The following INSL6 variants were observed in gnomAD, a reference collection of about 807,000 sequenced individuals.
The protein encoded by INSL6 is insulin-like peptide INSL6.
INSL6 carries 16 observed loss-of-function variants against 9.4 expected under a neutral mutation model. The observed-to-expected ratio is 1.70, with a 90% confidence interval of 1.15 to 2.59. INSL6 has a LOEUF of 2.59. INSL6 is among the 30% of genes most tolerant of loss of function. INSL6 has a pLI of 0.00. For missense variants in INSL6, 391 were observed against 257.3 expected (o/e 1.52, Z -3.56); for synonymous variants, 154 against 96.9 (o/e 1.59, Z -3.46).
intron 1 of INSL6, among the ~76,000 whole-genome samples, chr9:5,179,564 A>G (rs1267669353): frequency 6.6e-6 from 1 of 152,236 alleles, no homozygotes; most frequent in South Asian, 2.1e-4. Flanking sequence ...TTGCAGCACT[A>G]TTCACAATAG....
chr9:5,028,058 T>A, the INSL6 span, among the ~76,000 whole-genome samples: 4 of 152,316 alleles, frequency 2.6e-5, no homozygotes, highest in East Asian at 3.9e-4. Flanking sequence ...GTGAACTCTT[T>A]CCATAAGTTT....
chr9:5,080,011 T>A, the INSL6 span, among the ~76,000 whole-genome samples: 1 of 152,190 alleles, frequency 6.6e-6, no homozygotes, highest in Non-Finnish European at 1.5e-5. Context: ...TGTCTCCATG[T>A]TGTCATTGTT....
At chr9:5,106,833 G>C in the INSL6 span, among the ~76,000 whole-genome samples, 3 of 152,236 alleles carry the variant, frequency 2.0e-5, no homozygotes, top group South Asian at 6.2e-4. Flanking sequence ...CTCACTCATA[G>C]GTGGGAGTTG....
chr9:5,066,537 G>T, the INSL6 span: 1 of 541,580 alleles, frequency 1.8e-6, no homozygotes, highest in Middle Eastern at 4.9e-4. Context: ...TTTTTCCTTT[G>T]AAAGATTATT....
the INSL6 span, chr9:5,097,917 G>A: frequency 1.3e-5 from 2 of 152,138 alleles, no homozygotes; most frequent in African/African-American, 4.8e-5. Flanking sequence ...ATATTCATAG[G>A]TGTTAATTTA....
At chr9:5,021,907 A>G in the INSL6 span, 1 of 1,012,132 alleles carries the variant, frequency 9.9e-7, no homozygotes, top group African/African-American at 1.6e-5. Flanking sequence ...TGCTAGGATT[A>G]CAGGTGTGAG....
the INSL6 span, among the ~76,000 whole-genome samples, chr9:5,104,010 A>G: frequency 1.3e-5 from 2 of 152,204 alleles, no homozygotes; most frequent in Non-Finnish European, 2.9e-5. Context: ...TAAAAGAACT[A>G]CAGAAGCAAG....
the INSL6 span, among the ~76,000 whole-genome samples, chr9:5,088,889 C>T: frequency 1.3e-5 from 2 of 152,206 alleles, no homozygotes; most frequent in African/African-American, 4.8e-5. Context: ...GCCCTATCTC[C>T]AAATACAGTC....
chr9:5,152,425 T>C (rs530674048), intron 2 of INSL6, among the ~76,000 whole-genome samples: 1 of 152,200 alleles, frequency 6.6e-6, no homozygotes, highest in Admixed American at 6.5e-5. Context: ...ACTGAAACAT[T>C]AGCAATTTTA....
At chr9:5,162,704 T>A (rs1318249852), downstream of INSL6, among the ~76,000 whole-genome samples, 1 of 152,198 alleles carries the variant, frequency 6.6e-6, no homozygotes, top group Non-Finnish European at 1.5e-5. Flanking sequence ...TGAAACTGAT[T>A]AAAAACATTC....
the INSL6 span, among the ~76,000 whole-genome samples, chr9:5,069,763 C>T: frequency 6.6e-6 from 1 of 151,966 alleles, no homozygotes; most frequent in Non-Finnish European, 1.5e-5. Flanking sequence ...TATCAAAGTT[C>T]AATGAGTTGA....
At chr9:5,017,028 T>C in the INSL6 span, among the ~76,000 whole-genome samples, 2 of 152,206 alleles carry the variant, frequency 1.3e-5, no homozygotes, top group East Asian at 3.8e-4. Flanking sequence ...TCCAAAAATA[T>C]TGCAGAACAT....
chr9:5,092,866 C>A, the INSL6 span, among the ~76,000 whole-genome samples: 1 of 152,126 alleles, frequency 6.6e-6, no homozygotes, highest in Non-Finnish European at 1.5e-5. Context: ...TACTTAATGT[C>A]CCTGTAAGTT....
At chr9:5,026,255 T>C in the INSL6 span, among the ~76,000 whole-genome samples, 1 of 152,196 alleles carries the variant, frequency 6.6e-6, no homozygotes, top group Non-Finnish European at 1.5e-5. Context: ...TTTTAGTACA[T>C]GATATTGGTA....
In INSL6 at chr9:5,164,037, C is replaced by T. The variant is rs1334200577; in HGVS notation, c.518G>A (p.Gly173Glu). The change falls in exon 2 of 2, where the codon GGA becomes GAA. Residue 173 changes from glycine (G) to glutamate (E), a missense_variant. Physicochemically the swap from Gly to Glu is moderately conservative, Grantham distance 98. Transcript: ENST00000381641. ...WGHHPQRKRRGYSEKCCLTGC... is the reference protein window; with the variant it reads ...WGHHPQRKRREYSEKCCLTGC... ...TGTAAGACAACACTTTTCTGAATAT[C>T]CTCTGCGTTTTCTTTGGGGATGATG... is the stretch of plus-strand genomic sequence containing the variant. 29 of 1,613,626 alleles carry T rather than the reference C, an allele frequency of 1.8e-5. No homozygotes were observed. Among genetic ancestry groups the T allele is most frequent in the Non-Finnish European group, 2.4e-5 (28 of 1,179,794 alleles).
the INSL6 span, among the ~76,000 whole-genome samples, chr9:5,024,977 G>A: frequency 6.6e-6 from 1 of 152,184 alleles, no homozygotes. Context: ...CTGGTGGGCA[G>A]GACATGGGCG....
chr9:5,173,597 T>C (rs764068319), intron 1 of INSL6, among the ~76,000 whole-genome samples: 2 of 148,816 alleles, frequency 1.3e-5, no homozygotes, highest in Non-Finnish European at 3.0e-5. Flanking sequence ...AAACACACAA[T>C]GGGGCCTGTC....
At chr9:5,142,164 T>A (rs964718554) in intron 2 of INSL6, among the ~76,000 whole-genome samples, 6 of 152,232 alleles carry the variant, frequency 3.9e-5, no homozygotes, top group African/African-American at 1.4e-4. Flanking sequence ...CCTCCAGCTT[T>A]GTTCTTTTTG....
At chr9:5,112,689 A>G in the INSL6 span, 4 of 917,290 alleles carry the variant, frequency 4.4e-6, no homozygotes, top group South Asian at 1.2e-4. Flanking sequence ...GTCATCCTGA[A>G]TTTGGAGCAG....
Sources: gnomAD v4.1 joint callset for allele counts (sites outside exome capture counted in the v4.1 genomes callset) on GRCh38, gnomAD v4.1.1 for gene constraint, MANE v1.5 for transcripts, NCBI Gene and HGNC (gene_info 2026-07-23, HGNC 2026-07-21) for gene names.